MCM3AP: variants seen among roughly 807,000 people sequenced by gnomAD.
The protein encoded by MCM3AP is germinal-center associated nuclear protein.
In MCM3AP, 126 loss-of-function variants were observed where a neutral mutation model predicts 184.1. The ratio of observed to expected loss-of-function variants is 0.68; its 90% confidence interval spans 0.59 to 0.79. MCM3AP has a LOEUF of 0.79. Ranked by LOEUF, MCM3AP falls within the 30% of genes least tolerant of loss-of-function variation. MCM3AP has a pLI of 0.00. For synonymous variants in MCM3AP, 1,002 were observed against 979.3 expected, an observed-to-expected ratio of 1.02 and a Z score of -0.43; for missense variants, 2,496 against 2,479.2, an observed-to-expected ratio of 1.01 and a Z score of -0.14.
Position 46,244,889 on chromosome 21 carries a change from C to G in MCM3AP, c.4956G>C (p.Trp1652Cys). The change falls in exon 23 of 28, where the codon TGG becomes TGC. Residue 1652 changes from tryptophan to cysteine, a missense_variant. Trp to Cys is a radical substitution (Grantham distance 215, BLOSUM62 -2). Transcript: ENST00000291688. ...GGSRLLPHLHWNAPEHLAWLK... is the reference protein window; with the variant it reads ...GGSRLLPHLHCNAPEHLAWLK... Reference sequence around the variant, plus strand: ...GCCAGGCCAGGTGCTCTGGGGCATTCCAGTGCAGGTGAGGAAGCAGCCGGC... The same window carrying G: ...GCCAGGCCAGGTGCTCTGGGGCATTGCAGTGCAGGTGAGGAAGCAGCCGGC... The G allele has an allele frequency of 6.2e-7, 1 of 1,614,178 alleles. No individual in the cohort carries two copies. Among genetic ancestry groups the G allele is most frequent in the Non-Finnish European group, 8.5e-7 (1 of 1,180,044 alleles).
chr21:46,267,019 CGGT>C lies in MCM3AP; in HGVS notation c.2749_2751del (p.Thr917del). ...GTGAGGCCGTGGCAGGTGAGGAAGT[CGGT>C]GGCCTCTTCACAGTCTCTGAACAGC... On this transcript the variant is annotated inframe_deletion, in exon 10 of 28. Transcript: ENST00000291688. 2 of 1,614,214 alleles carry C rather than the reference CGGT, an allele frequency of 1.2e-6. No individual in the cohort carries two copies. The highest frequency in any genetic ancestry group is 1.7e-6 in the Non-Finnish European group (2 of 1,180,042).
chr21:46,258,834 T>C, intron 16 of MCM3AP, 105 bp downstream of exon 16: 1 of 1,251,280 alleles, frequency 8.0e-7, no homozygotes, highest in Non-Finnish European at 1.2e-6. Flanking sequence ...TTTTCCCTCA[T>C]CCTTTTACCA....
Position 46,284,508 on chromosome 21 carries a change from C to T in MCM3AP, c.779G>A (p.Gly260Asp). 1 of 1,614,142 alleles carries T rather than the reference C, an allele frequency of 6.2e-7. No individual in the cohort carries two copies. Among genetic ancestry groups the T allele is most frequent in the Non-Finnish European group, 8.5e-7 (1 of 1,180,036 alleles). Residue 260 changes from glycine to aspartate, a missense_variant, in exon 1 of 28, where the codon GGC becomes GAC. By Grantham distance (94) the Gly-to-Asp change is moderately conservative. This residue lies in a region of MCM3AP where 800 missense variants were observed against 717.1 expected (regional missense o/e 1.12). Coordinates refer to ENST00000291688, the MANE Select transcript of MCM3AP (RefSeq NM_003906.5). ...TGCTTTGCTAGCCTGGAAAGGTTCG[C>T]CCAAAACCGCAGATGATACAGGGAA... is the stretch of plus-strand genomic sequence containing the variant. ...SSFPVSSAVLGEPFQASKAGV... is the reference protein window; with the variant it reads ...SSFPVSSAVLDEPFQASKAGV...
chr21:46,246,465 A>G, intron 21 of MCM3AP, 61 bp from the exon 22 acceptor site: 1 of 1,356,944 alleles, frequency 7.4e-7, no homozygotes, highest in Non-Finnish European at 1.1e-6. Flanking sequence ...CTGCTAACAT[A>G]TCTCACTGTG....
chr21:46,261,866 G>T (rs535880045), intron 13 of MCM3AP, among the ~76,000 whole-genome samples: 3 of 152,090 alleles, frequency 2.0e-5, no homozygotes, highest in Non-Finnish European at 4.4e-5. Flanking sequence ...CAAACTTTTT[G>T]AGCACAACAT....
intron 14 of MCM3AP, 59 bp downstream of exon 14, chr21:46,261,221 G>T: frequency 6.2e-7 from 1 of 1,602,852 alleles, no homozygotes; most frequent in Non-Finnish European, 8.5e-7. Flanking sequence ...GCTAGGGTCA[G>T]TTCTTGCCTG....
Position 46,259,100 on chromosome 21 carries a change from A to C in MCM3AP, c.3582-9T>G. 3 of 1,602,056 alleles carry C rather than the reference A, an allele frequency of 1.9e-6. No individual in the cohort carries two copies. The highest frequency in any genetic ancestry group is 1.1e-5 in the South Asian group (1 of 89,462). On this transcript the variant is annotated splice_polypyrimidine_tract_variant and intron_variant, in intron 15 of 27. Coordinates refer to ENST00000291688, the MANE Select transcript of MCM3AP (RefSeq NM_003906.5). ...CTGTCTCTACTGCATTCCTAGAAAC[A>C]GGGCAATCAGCATGGAAGACACTGC...
At chr21:46,254,748 G>GT in intron 18 of MCM3AP, 28 bp downstream of exon 18, 1 of 1,600,510 alleles carries the variant, frequency 6.2e-7, no homozygotes, top group South Asian at 1.1e-5. Flanking sequence ...TCACCAGGGG[G>GT]TGCGCAGAAG....
At chr21:46,261,798 A>C (rs1040009811) in intron 13 of MCM3AP, among the ~76,000 whole-genome samples, 2 of 152,120 alleles carry the variant, frequency 1.3e-5, no homozygotes, top group East Asian at 1.9e-4. Context: ...GGGAAAAAAA[A>C]CACACAGGTT....
intron 24 of MCM3AP, 87 bp downstream of exon 24, chr21:46,243,378 C>T (rs1303668515): frequency 6.9e-6 from 10 of 1,448,374 alleles, no homozygotes; most frequent in Middle Eastern, 2.0e-4. Flanking sequence ...AGAAAAGCAG[C>T]AACATCAACT....
intron 5 of MCM3AP, among the ~76,000 whole-genome samples, chr21:46,276,493 G>A (rs531809920): frequency 2.0e-5 from 3 of 152,086 alleles, no homozygotes; most frequent in African/African-American, 7.2e-5. Flanking sequence ...CCAGGCTGGA[G>A]TACAATGGCA....
intron 13 of MCM3AP, among the ~76,000 whole-genome samples, chr21:46,261,712 G>A (rs1175918676): frequency 2.9e-5 from 4 of 139,958 alleles, no homozygotes; most frequent in Admixed American, 7.5e-5. Flanking sequence ...CAGCCTGGGC[G>A]ACACAGCGAG....
At chr21:46,250,669 T>C (rs1170610559) in intron 20 of MCM3AP, 6 of 152,156 alleles carry the variant, frequency 3.9e-5, no homozygotes, top group Non-Finnish European at 8.8e-5. Context: ...GGGAAGTAGA[T>C]ACCCTTCAGT....
Position 46,265,410 on chromosome 21 carries a change from G to A in MCM3AP, c.3145C>T (p.Leu1049=). The part of the protein sequence containing the change: ...SPVPLPPVLA[L]TPSVAPSLFQ... ...AGGCTGGGCGCCACAGACGGGGTCA[G>A]TGCCAGGACAGGAGGCAGAGGCACT... Residue 1049 remains leucine, a synonymous_variant, in exon 12 of 28, where the codon CTG becomes TTG. Transcript: ENST00000291688. 2.5e-6 allele frequency: 4 copies of A among 1,614,106 alleles called. No individual in the cohort carries two copies. Among genetic ancestry groups the A allele is most frequent in the Non-Finnish European group, 3.4e-6 (4 of 1,180,008 alleles).
At chr21:46,264,495 C>G (rs753962713) in intron 12 of MCM3AP, among the ~76,000 whole-genome samples, 3 of 152,190 alleles carry the variant, frequency 2.0e-5, no homozygotes, top group Non-Finnish European at 4.4e-5. Context: ...CTATGCTCCC[C>G]CTAAGCACTC....
At chr21:46,265,658 A>G in intron 11 of MCM3AP, 135 bp from the exon 12 acceptor site, 2 of 776,466 alleles carry the variant, frequency 2.6e-6, no homozygotes, top group South Asian at 3.9e-5. Flanking sequence ...CCAGGAGACC[A>G]GCTACGTGGG....
rs375067222 is a variant in MCM3AP at position 46,264,103 on chromosome 21, G to A, written c.3335+14C>T. On this transcript the variant is annotated intron_variant, in intron 13 of 27. Transcript: ENST00000291688. ...GCAGCACGTAGCAGGAGGGGAGCAC[G>A]AGATGCCACTCACCCCAGGGCGGCA... The A allele has an allele frequency of 5.9e-5, 94 of 1,597,682 alleles. No homozygotes were observed. Among genetic ancestry groups the A allele is most frequent in the South Asian group, 5.6e-4 (51 of 90,640 alleles).
chr21:46,285,282 T>A lies in MCM3AP; in HGVS notation c.5A>T (p.Asn2Ile). ...CTGCCCACTGAAAGGATTAGTTGGGTTCATCTTCTGCTCCAATTATTAGAA... is the reference window on the plus strand; with the variant it reads ...CTGCCCACTGAAAGGATTAGTTGGGATCATCTTCTGCTCCAATTATTAGAA... Reference protein sequence around the residue: MNPTNPFSGQQP... With the variant: MIPTNPFSGQQP... The change falls in exon 1 of 28, where the codon AAC (asparagine) becomes ATC (isoleucine). Residue 2 changes from asparagine to isoleucine, a missense_variant. Asn to Ile is a moderately radical substitution (Grantham distance 149). This residue lies in a region of MCM3AP where 800 missense variants were observed against 717.1 expected (regional missense o/e 1.12). Coordinates refer to ENST00000291688, the MANE Select transcript of MCM3AP (RefSeq NM_003906.5). 2 of 1,606,056 alleles carry A rather than the reference T, an allele frequency of 1.2e-6. No homozygotes were observed. The highest frequency in any genetic ancestry group is 1.7e-6 in the Non-Finnish European group (2 of 1,173,764).
At position 46,259,170 on chromosome 21, in the gene MCM3AP, A is replaced by T. The variant is rs973682991; in HGVS notation, c.3582-79T>A. The T allele has an allele frequency of 1.9e-4, 276 of 1,464,958 alleles. 1 individual carries two copies. Among genetic ancestry groups the T allele is most frequent in the Non-Finnish European group, 3.1e-5 (33 of 1,080,538 alleles). 90.7% of individuals were successfully genotyped at this position (1,464,958 alleles called of 1,614,324 possible). ...TGAGGGCTTGCTTGAAAAGTGCAAG[A>T]GTCAGTCAGGCGCGGTGGCTCACGC... On this transcript the variant is annotated intron_variant, in intron 15 of 27. Coordinates refer to ENST00000291688, the MANE Select transcript of MCM3AP (RefSeq NM_003906.5).
Sources: gnomAD v4.1 joint callset for allele counts (sites outside exome capture counted in the v4.1 genomes callset) on GRCh38, gnomAD v4.1.1 for gene constraint, gnomAD v4.1.1 regional missense constraint, MANE v1.5 for transcripts, NCBI Gene and HGNC (gene_info 2026-07-23, HGNC 2026-07-21) for gene names.